The following RAD51C variants were observed in gnomAD, a reference collection of about 807,000 sequenced individuals.
The protein encoded by RAD51C is DNA repair protein RAD51 homolog 3.
Under a neutral mutation model 45.0 loss-of-function variants are expected in RAD51C, and 42 were observed. The ratio of observed to expected loss-of-function variants is 0.93; its 90% confidence interval spans 0.73 to 1.21. The LOEUF (loss-of-function observed/expected upper bound fraction) is 1.21. RAD51C is among the 50% of genes most tolerant of loss of function. RAD51C has a pLI of 0.00. For missense variants in RAD51C, 474 were observed against 452.2 expected, an observed-to-expected ratio of 1.05 and a Z score of -0.44; for synonymous variants, 172 against 159.8, an observed-to-expected ratio of 1.08 and a Z score of -0.58.
Position 58,734,159 on chromosome 17 carries a change from A to G in RAD51C, c.1068A>G (p.Ser356=), listed in dbSNP as rs865988490. The part of the protein sequence containing the change: ...FRDTVVTSAC[S]LQTEGSLSTR... Reference sequence around the variant, plus strand: ...ATACTGTTGTTACTTCTGCATGTTCATTGCAAACAGAAGGTTCCTTGAGCA... The same window carrying G: ...ATACTGTTGTTACTTCTGCATGTTCGTTGCAAACAGAAGGTTCCTTGAGCA... The change falls in exon 9 of 9, where the codon TCA becomes TCG. Residue 356 remains serine, a synonymous_variant. Transcript: ENST00000337432. 1.2e-6 allele frequency: 2 copies of G among 1,613,642 alleles called. No homozygotes were observed. The highest frequency in any genetic ancestry group is 2.7e-5 in the African/African-American group (2 of 74,926).
Position 58,720,780 on chromosome 17 carries a change from A to G in RAD51C, c.872A>G (p.Asp291Gly), listed in dbSNP as rs1555602124. ...ILTNQMTTKI[D>G]RNQALLVPAL... ...ACCAATCAGATGACAACAAAGATTG[A>G]TAGAAATCAGGCCTTGCTTGTTCCT... The change falls in exon 6 of 9, where the codon GAT (aspartate) becomes GGT (glycine). Residue 291 changes from aspartate (D) to glycine (G), a missense_variant. By Grantham distance (94) the Asp-to-Gly change is moderately conservative. Transcript: ENST00000337432. 6.2e-7 allele frequency: 1 copy of G among 1,612,714 alleles called. No individual in the cohort carries two copies.
At chr17:58,702,027 A>G (rs986193998) in intron 3 of RAD51C, among the ~76,000 whole-genome samples, 2 of 148,176 alleles carry the variant, frequency 1.3e-5, no homozygotes, top group African/African-American at 5.0e-5. Context: ...CAGAGTTTTC[A>G]TTCTGTCACC....
intron 7 of RAD51C, among the ~76,000 whole-genome samples, chr17:58,728,832 C>T (rs1360966340): frequency 6.6e-6 from 1 of 152,164 alleles, no homozygotes; most frequent in Non-Finnish European, 1.5e-5. Flanking sequence ...AATATTCCAA[C>T]AGTTATTAAA....
At chr17:58,717,004 G>A (rs377704701) in intron 5 of RAD51C, among the ~76,000 whole-genome samples, 3 of 151,840 alleles carry the variant, frequency 2.0e-5, no homozygotes, top group Non-Finnish European at 4.4e-5. Flanking sequence ...GGGTTTCACC[G>A]TGTTACCCAG....
intron 3 of RAD51C, 64 bp downstream of exon 3, chr17:58,696,923 C>T (rs181988623): frequency 1.3e-6 from 2 of 1,555,202 alleles, no homozygotes; most frequent in Non-Finnish European, 1.8e-6. Flanking sequence ...TTGTGCCCAT[C>T]TGAGACCTCA....
chr17:58,709,329 G>A (rs982041935), intron 4 of RAD51C, among the ~76,000 whole-genome samples: 1 of 151,724 alleles, frequency 6.6e-6, no homozygotes, highest in Admixed American at 6.6e-5. Context: ...CACCTGCCTC[G>A]GCCTCCCAAA....
chr17:58,694,146 A>G (rs541633194), intron 1 of RAD51C: 82 of 152,362 alleles, frequency 5.4e-4, no homozygotes, highest in African/African-American at 1.9e-3. Context: ...GGAGTGATAC[A>G]TGAATTTTTT....
At chr17:58,703,387 G>A (rs2048279401) in intron 4 of RAD51C, 58 bp downstream of exon 4, 2 of 1,558,302 alleles carry the variant, frequency 1.3e-6, no homozygotes, top group African/African-American at 1.4e-5. Context: ...TGTTTGATAA[G>A]CATGAAAAAA....
chr17:58,712,617 G>A (rs1185628037), intron 5 of RAD51C, among the ~76,000 whole-genome samples: 2 of 142,388 alleles, frequency 1.4e-5, no homozygotes, highest in African/African-American at 2.6e-5. Flanking sequence ...TCAGGAGATC[G>A]AGACCATCCT....
chr17:58,703,993 C>T (rs150189819), intron 4 of RAD51C, among the ~76,000 whole-genome samples: 365 of 119,218 alleles, frequency 3.1e-3, no homozygotes, highest in African/African-American at 0.011. Flanking sequence ...TGGGGTTAAG[C>T]GATTCTCCCA....
At chr17:58,709,605 A>T (rs2048484823) in intron 4 of RAD51C, 2 of 345,076 alleles carry the variant, frequency 5.8e-6, no homozygotes, top group African/African-American at 4.3e-5. Flanking sequence ...ATTAAAGAAG[A>T]GGCTTTTATG....
intron 4 of RAD51C, among the ~76,000 whole-genome samples, chr17:58,705,026 G>A (rs145394926): frequency 0.011 from 1,743 of 151,942 alleles, 15 homozygotes; most frequent in Middle Eastern, 0.041. Flanking sequence ...AGCTACTTGG[G>A]AGGCTGAGAC....
chr17:58,699,762 T>G (rs1201776345), intron 3 of RAD51C: 1 of 152,230 alleles, frequency 6.6e-6, no homozygotes, highest in East Asian at 1.9e-4. Context: ...CCAGTTAGTT[T>G]CAATATTTGC....
At chr17:58,731,565 C>T (rs368556897) in intron 7 of RAD51C, among the ~76,000 whole-genome samples, 5 of 152,266 alleles carry the variant, frequency 3.3e-5, no homozygotes, top group Non-Finnish European at 7.4e-5. Flanking sequence ...AGCCAAAAAG[C>T]AGTCTTAAAG....
At chr17:58,726,741 CAGATG>C (rs1209647133) in intron 7 of RAD51C, among the ~76,000 whole-genome samples, 1 of 151,942 alleles carries the variant, frequency 6.6e-6, no homozygotes, top group Non-Finnish European at 1.5e-5. Context: ...ATAGTGTTAC[CAGATG>C]AGATCAGGCA....
At chr17:58,702,622 G>A (rs1182136541) in intron 3 of RAD51C, among the ~76,000 whole-genome samples, 1 of 151,844 alleles carries the variant, frequency 6.6e-6, no homozygotes, top group Non-Finnish European at 1.5e-5. Context: ...GAGCCCAGGA[G>A]GCAGAGGTTG....
At position 58,733,653 on chromosome 17, in the gene RAD51C, G is replaced by A. The variant is rs549992746; in HGVS notation, c.1027-465G>A. 4.6e-5 allele frequency among the ~76,000 whole-genome samples: 7 copies of A among 152,302 alleles called. No homozygotes were observed. In the East Asian group the frequency reaches 7.7e-4, roughly 17 times the overall value. On this transcript the variant is annotated intron_variant, in intron 8 of 8. Transcript: ENST00000337432. ...ATATAAAATACTCTTAATATAGCCC[G>A]GGCTTTGGCACGTATCCATGAGGTT...
intron 3 of RAD51C, chr17:58,699,726 C>T (rs1313483985): frequency 6.6e-6 from 1 of 152,190 alleles, no homozygotes. Context: ...GCGTACATAA[C>T]AAATTTTACT....
intron 8 of RAD51C, among the ~76,000 whole-genome samples, chr17:58,733,628 A>G (rs2049532986): frequency 6.6e-6 from 1 of 152,236 alleles, no homozygotes; most frequent in African/African-American, 2.4e-5. Context: ...AAATAAGTAT[A>G]TATAAAATAC....
Sources: gnomAD v4.1 joint callset for allele counts (sites outside exome capture counted in the v4.1 genomes callset) on GRCh38, gnomAD v4.1.1 for gene constraint, MANE v1.5 for transcripts, NCBI Gene and HGNC (gene_info 2026-07-23, HGNC 2026-07-21) for gene names.